RERGL: variants seen among roughly 807,000 people sequenced by gnomAD.
RERGL encodes RERG like, also known as ras-related and estrogen-regulated growth inhibitor-like protein.
A neutral mutation model predicts 24.7 loss-of-function variants in RERGL; 22 were observed. The ratio of observed to expected loss-of-function variants is 0.89; its 90% CI spans 0.64 to 1.27. RERGL has a LOEUF of 1.27. RERGL is among the 50% of genes most tolerant of loss of function. The pLI is 0.00. For synonymous variants in RERGL, 76 were observed against 82.6 expected, an observed-to-expected ratio of 0.92 and a Z score of 0.43; for missense variants, 259 against 235.3, an observed-to-expected ratio of 1.10 and a Z score of -0.66.
Position 18,090,078 on chromosome 12 carries a change from T to G in RERGL, c.52+11A>C. 6.5e-7 allele frequency: 1 copy of G among 1,530,354 alleles called. No individual in the cohort carries two copies. The allele number at this position is 1,530,354 out of a possible 1,614,324, so 94.8% of individuals were successfully genotyped here. A position where few individuals can be genotyped will look rare whatever the true frequency, so the allele number is the denominator to read the frequency against. On this transcript the variant is annotated intron_variant, in intron 1 of 4. Coordinates refer to ENST00000538724, the MANE Select transcript of RERGL (RefSeq NM_001286201.2). ...ACACTCTATGATAACAGAGAAGATG[T>G]CACCACTCACCAGATTTGCCTGTTC...
intron 4 of RERGL, among the ~76,000 whole-genome samples, chr12:18,081,748 T>A (rs570810447): frequency 6.6e-6 from 1 of 152,280 alleles, no homozygotes; most frequent in South Asian, 2.1e-4. Flanking sequence ...TCTGGTGCTG[T>A]CTACTAACCA....
In RERGL at chr12:18,090,071, G is replaced by A. The variant is rs1207691948; in HGVS notation, c.52+18C>T. The A allele has an allele frequency of 1.3e-6, 2 of 1,525,476 alleles. No individual in the cohort carries two copies. Among genetic ancestry groups the A allele is most frequent in the East Asian group, 2.5e-5 (1 of 40,576 alleles). The allele number at this position is 1,525,476 out of a possible 1,614,324, so 94.5% of individuals were successfully genotyped here. On this transcript the variant is annotated intron_variant, in intron 1 of 4. Transcript: ENST00000538724. ...TCTTTCTACACTCTATGATAACAGA[G>A]AAGATGTCACCACTCACCAGATTTG...
chr12:18,082,549 T>C (rs561784924), intron 4 of RERGL, among the ~76,000 whole-genome samples: 1 of 152,172 alleles, frequency 6.6e-6, no homozygotes, highest in South Asian at 2.1e-4. Flanking sequence ...TTAAAGCTCA[T>C]GGAGATTGTA....
At chr12:18,089,965 ATGT>A in intron 1 of RERGL, 121 bp downstream of exon 1, 5 of 631,816 alleles carry the variant, frequency 7.9e-6, no homozygotes, top group East Asian at 3.1e-5. Context: ...CAGTGAGATA[ATGT>A]TATTATAGAT....
At chr12:18,081,543 ACAGATTTATAACCAAAGGATTATAAATC>A in intron 4 of RERGL, 70 bp from the exon 5 acceptor site, 10 of 1,276,588 alleles carry the variant, frequency 7.8e-6, no homozygotes, top group South Asian at 1.6e-5. Context: ...AAAAAAAAAA[ACAGATTTATAACCAAAGGATTATAAATC>A]AAAAAAGAAA....
In RERGL at chr12:18,081,254, A is replaced by C; in HGVS notation, c.552T>G (p.Ser184Arg). 2 of 1,608,896 alleles carry C rather than the reference A, an allele frequency of 1.2e-6. No homozygotes were observed. Among genetic ancestry groups the C allele is most frequent in the Non-Finnish European group, 1.7e-6 (2 of 1,178,482 alleles). The change falls in exon 5 of 5, where the codon AGT becomes AGG. Residue 184 changes from serine (S) to arginine (R), a missense_variant. By Grantham distance (110) the Ser-to-Arg change is moderately radical. Coordinates refer to ENST00000538724, the MANE Select transcript of RERGL (RefSeq NM_001286201.2). ...TCAATTTGGCCATTGATTTAGATCC[A>C]CTGGGACGTCTCTTTTCTTTGAGTT... ...NFKLKEKRRP[S>R]GSKSMAKLIN... is the part of the protein sequence containing the mutation.
Position 18,090,108 on chromosome 12 carries a change from A to T in RERGL, c.33T>A (p.Gly11=), listed in dbSNP as rs753915186. 6.5e-7 allele frequency: 1 copy of T among 1,533,274 alleles called. No individual in the cohort carries two copies. Among genetic ancestry groups the T allele is most frequent in the South Asian group, 1.2e-5 (1 of 83,708 alleles). 95.0% of individuals were successfully genotyped at this position (1,533,274 alleles called of 1,614,324 possible). Residue 11 remains glycine, a synonymous_variant, in exon 1 of 5, where the codon GGT becomes GGA. Transcript: ENST00000538724. The part of the protein sequence containing the change: MNDVKLAVLG[G]EGTGKSALTV... ...ACTCACCAGATTTGCCTGTTCCTTC[A>T]CCACCCAAGACAGCAAGCTTCACAT...
Position 18,081,271 on chromosome 12 carries a change from CTTTGAG to C in RERGL, c.529_534del (p.Leu177_Lys178del). ...TTAGATCCACTGGGACGTCTCTTTT[CTTTGAG>C]TTTGAAGTTTATCAGGATGTCCTTG... On this transcript the variant is annotated inframe_deletion, in exon 5 of 5. Transcript: ENST00000538724. The C allele has an allele frequency of 1.2e-6, 2 of 1,613,476 alleles. No individual in the cohort carries two copies. Among genetic ancestry groups the C allele is most frequent in the Non-Finnish European group, 1.7e-6 (2 of 1,179,802 alleles).
rs146218371 is a variant in RERGL, at chr12:18,084,661, T to C, written c.188A>G (p.Gln63Arg). The C allele has an allele frequency of 1.1e-5, 18 of 1,608,346 alleles. No homozygotes were observed. Among genetic ancestry groups the C allele is most frequent in the Non-Finnish European group, 1.4e-5 (17 of 1,178,288 alleles). The stretch of plus-strand genomic sequence containing the variant: ...ACTTGTGAGGGAGAATTTTGCTTTC[T>C]GTGTCTGAAAATAAACCAAGTGCAT... ...LEIYDPCSQT[Q>R]KAKFSLTSEL... The change falls in exon 4 of 5, where the codon CAG (glutamine) becomes CGG (arginine). Residue 63 changes from glutamine (Q) to arginine (R), a missense_variant. Physicochemically the swap from Gln to Arg is conservative, Grantham distance 43. Transcript: ENST00000538724.
At chr12:18,082,765 T>C (rs1947185930) in intron 4 of RERGL, among the ~76,000 whole-genome samples, 1 of 152,216 alleles carries the variant, frequency 6.6e-6, no homozygotes, top group Non-Finnish European at 1.5e-5. Flanking sequence ...GTTTTTGCTC[T>C]GCTAATATCC....
chr12:18,084,668 G>A lies in RERGL; in HGVS notation c.184-3C>T, dbSNP rs763820355. 2 of 1,606,712 alleles carry A rather than the reference G, an allele frequency of 1.2e-6. No homozygotes were observed. Among genetic ancestry groups the A allele is most frequent in the African/African-American group, 1.3e-5 (1 of 74,630 alleles). On this transcript the variant is annotated splice_region_variant and splice_polypyrimidine_tract_variant and intron_variant, in intron 3 of 4. Transcript: ENST00000538724. ...AGGGAGAATTTTGCTTTCTGTGTCT[G>A]AAAATAAACCAAGTGCATTAAAAGT...
At position 18,081,086 on chromosome 12, in the gene RERGL, A is replaced by T; in HGVS notation, c.*105T>A. 1.0e-6 allele frequency: 1 copy of T among 1,003,824 alleles called. No individual in the cohort carries two copies. The highest frequency in any genetic ancestry group is 1.4e-6 in the Non-Finnish European group (1 of 698,908). 62.2% of individuals were successfully genotyped at this position (1,003,824 alleles called of 1,614,324 possible). On this transcript the variant is annotated 3_prime_UTR_variant, in exon 5 of 5. Coordinates refer to ENST00000538724, the MANE Select transcript of RERGL (RefSeq NM_001286201.2). ...TACTCAATCATTTCATATCTCCAAGAGAATTCTTTTTACCAAAAAAAAATT... is the reference window on the plus strand; with the variant it reads ...TACTCAATCATTTCATATCTCCAAGTGAATTCTTTTTACCAAAAAAAAATT...
chr12:18,088,219 A>G (rs1418869843), intron 2 of RERGL, among the ~76,000 whole-genome samples: 1 of 152,076 alleles, frequency 6.6e-6, no homozygotes, highest in Non-Finnish European at 1.5e-5. Context: ...CAATTGGGTA[A>G]GATATTAGCA....
chr12:18,089,341 C>A, intron 1 of RERGL: 2 of 1,497,498 alleles, frequency 1.3e-6, no homozygotes, highest in Admixed American at 2.4e-5. Flanking sequence ...GTAATAGTCA[C>A]AAAGACACTA....
At chr12:18,086,004 C>A (rs1005059638) in intron 2 of RERGL, among the ~76,000 whole-genome samples, 31 of 149,424 alleles carry the variant, frequency 2.1e-4, no homozygotes, top group Non-Finnish European at 4.3e-4. Context: ...ACTACAGGGG[C>A]TCGCCACCAC....
chr12:18,090,189 C>G lies in RERGL; in HGVS notation c.-49G>C. Reference sequence around the variant, plus strand: ...GTCCTATTTTCTGGAACTACACTGCCCTGTGACAAGCTTTTTTTTAACTTC... The same window carrying G: ...GTCCTATTTTCTGGAACTACACTGCGCTGTGACAAGCTTTTTTTTAACTTC... On this transcript the variant is annotated 5_prime_UTR_variant, in exon 1 of 5. Coordinates refer to ENST00000538724, the MANE Select transcript of RERGL (RefSeq NM_001286201.2). 1 of 1,447,272 alleles carries G rather than the reference C, an allele frequency of 6.9e-7. No individual in the cohort carries two copies. Among genetic ancestry groups the G allele is most frequent in the Non-Finnish European group, 9.1e-7 (1 of 1,095,408 alleles). The allele number at this position is 1,447,272 out of a possible 1,614,324, so 89.7% of individuals were successfully genotyped here.
chr12:18,087,004 A>C (rs1372584495), intron 2 of RERGL, among the ~76,000 whole-genome samples: 1 of 152,170 alleles, frequency 6.6e-6, no homozygotes, highest in East Asian at 1.9e-4. Context: ...TATTTGTCTT[A>C]TGTCACATAT....
chr12:18,086,331 C>A (rs1947222187), intron 2 of RERGL, among the ~76,000 whole-genome samples: 1 of 152,046 alleles, frequency 6.6e-6, no homozygotes, highest in Non-Finnish European at 1.5e-5. Flanking sequence ...TTCCCCTCAC[C>A]CACTGAAAGA....
At chr12:18,087,208 CA>C (rs1452301354) in intron 2 of RERGL, among the ~76,000 whole-genome samples, 1 of 152,134 alleles carries the variant, frequency 6.6e-6, no homozygotes, top group Non-Finnish European at 1.5e-5. Flanking sequence ...ATTCTCAACA[CA>C]GAAGTAAAAG....
Sources: gnomAD v4.1 joint callset for allele counts (sites outside exome capture counted in the v4.1 genomes callset) on GRCh38, gnomAD v4.1.1 for gene constraint, MANE v1.5 for transcripts, NCBI Gene and HGNC (gene_info 2026-07-23, HGNC 2026-07-21) for gene names.